The following SLC45A2 variants were observed in gnomAD, a reference collection of about 807,000 sequenced individuals.
SLC45A2 encodes solute carrier family 45 member 2.
SLC45A2 carries 36 observed loss-of-function variants against 45.5 expected under a neutral mutation model. The observed-to-expected ratio is 0.79, with a 90% CI of 0.61 to 1.04. SLC45A2 has a LOEUF of 1.04. Among genes scored for constraint, SLC45A2 ranks in the 50% least tolerant of loss-of-function variants. The probability of loss-of-function intolerance (pLI) is 0.00; values close to 1 mark genes in which losing one functional copy is unlikely to be tolerated. For missense variants in SLC45A2, 719 were observed against 671.0 expected (o/e 1.07, Z -0.79); for synonymous variants, 306 against 269.3 (o/e 1.14, Z -1.33).
In SLC45A2 at chr5:33,984,436, C is replaced by T. The variant is rs1249304563; in HGVS notation, c.148G>A (p.Ala50Thr). Residue 50 changes from alanine to threonine, a missense_variant, in exon 1 of 7, where the codon GCG becomes ACG. Physicochemically the swap from Ala to Thr is moderately conservative, Grantham distance 58. Transcript: ENST00000296589. ...MAMFGREFCY[A>T]VEAAYVTPVL... ...GGGGTCACATACGCTGCCTCCACCG[C>T]GTAGCAGAACTCTCTTCCGAACATG... 7 of 1,613,662 alleles carry T rather than the reference C, an allele frequency of 4.3e-6. No individual in the cohort carries two copies. Among genetic ancestry groups the T allele is most frequent in the African/African-American group, 4.0e-5 (3 of 74,940 alleles).
At chr5:33,947,100 A>G (rs1257784154) in intron 6 of SLC45A2, 63 bp downstream of exon 6, 3 of 1,613,990 alleles carry the variant, frequency 1.9e-6, no homozygotes, top group Non-Finnish European at 2.5e-6. Context: ...TTGCTACCAA[A>G]TCCTCCCCAG....
intron 2 of SLC45A2, among the ~76,000 whole-genome samples, chr5:33,977,761 T>TCCA (rs1370848466): frequency 7.9e-5 from 12 of 152,292 alleles, no homozygotes; most frequent in African/African-American, 2.2e-4. Context: ...GAAAAATTAT[T>TCCA]CAGAGCACAG....
chr5:33,951,519 T>C, intron 5 of SLC45A2, 35 bp downstream of exon 5: 1 of 1,613,782 alleles, frequency 6.2e-7, no homozygotes, highest in African/African-American at 1.3e-5. Flanking sequence ...ACCAGAAACT[T>C]TTAGAAGACA....
chr5:33,982,736 TG>T (rs1753116411), intron 1 of SLC45A2, among the ~76,000 whole-genome samples: 1 of 152,198 alleles, frequency 6.6e-6, no homozygotes, highest in Non-Finnish European at 1.5e-5. Context: ...TGGTAATGGT[TG>T]CACAACATAC....
chr5:33,957,903 T>C (rs2111940359), intron 3 of SLC45A2, among the ~76,000 whole-genome samples: 1 of 152,338 alleles, frequency 6.6e-6, no homozygotes, highest in East Asian at 1.9e-4. Flanking sequence ...ATGTGCATAG[T>C]ATTTCTGTAA....
intron 6 of SLC45A2, 45 bp from the exon 7 acceptor site, chr5:33,944,917 T>C: frequency 6.4e-7 from 1 of 1,570,332 alleles, no homozygotes. Flanking sequence ...CAAGGAACTG[T>C]CATTTAGGGC....
At chr5:33,983,257 A>G (rs964076705) in intron 1 of SLC45A2, among the ~76,000 whole-genome samples, 1 of 152,224 alleles carries the variant, frequency 6.6e-6, no homozygotes, top group Non-Finnish European at 1.5e-5. Flanking sequence ...CCAATCTCCT[A>G]TAAAAGATAC....
Position 33,964,009 on chromosome 5 carries a change from TC to T in SLC45A2, c.569del (p.Gly190GlufsTer11). 6.2e-7 allele frequency: 1 copy of T among 1,613,720 alleles called. No homozygotes were observed. Among genetic ancestry groups the T allele is most frequent in the South Asian group, 1.1e-5 (1 of 91,056 alleles). On this transcript the variant is annotated frameshift_variant, in exon 3 of 7. Transcript: ENST00000296589. LOFTEE classifies it high-confidence loss of function. ...CACCCAAAAGGTAACCCAGGGCACC[TC>T]CAAAACCTGGAAAGCAAGAAAAGCT... Reference protein sequence around the residue: ...LHYHALFTGFGGALGYLLGAI... With the variant: ...LHYHALFTGFXGALGYLLGAI...
chr5:33,977,774 A>T (rs1028256823), intron 2 of SLC45A2, among the ~76,000 whole-genome samples: 1 of 152,194 alleles, frequency 6.6e-6, no homozygotes, highest in African/African-American at 2.4e-5. Flanking sequence ...GAGCACAGAG[A>T]ATGTGGAAGG....
intron 4 of SLC45A2, among the ~76,000 whole-genome samples, chr5:33,953,560 C>T (rs1482873090): frequency 8.0e-5 from 12 of 150,834 alleles, no homozygotes; most frequent in African/African-American, 1.2e-4. Flanking sequence ...CTGAAGGAAG[C>T]GCTAAACATG....
intron 6 of SLC45A2, 37 bp from the exon 7 acceptor site, chr5:33,944,909 A>G: frequency 6.3e-7 from 1 of 1,581,064 alleles, no homozygotes; most frequent in Non-Finnish European, 8.6e-7. Flanking sequence ...TTGACCTACA[A>G]GGAACTGTCA....
Position 33,982,260 on chromosome 5 carries a change from G to A in SLC45A2, c.538C>T (p.Leu180Phe). ...CCTGTGAAGAGGGCATGGTAGTGGA[G>A]GCCCTTCTCCTTGTCCTGATGGGAG... ...VCSHQDKEKG[L>F]HYHALFTGFG... Residue 180 changes from leucine to phenylalanine, a missense_variant, in exon 2 of 7, where the codon CTC becomes TTC. Physicochemically the swap from Leu to Phe is conservative, Grantham distance 22 (BLOSUM62 0). Coordinates refer to ENST00000296589, the MANE Select transcript of SLC45A2 (RefSeq NM_016180.5). The A allele has an allele frequency of 3.7e-6, 6 of 1,614,070 alleles. No homozygotes were observed. Among genetic ancestry groups the A allele is most frequent in the African/African-American group, 1.3e-5 (1 of 75,028 alleles).
chr5:33,969,065 C>CTCTGTGTG lies in SLC45A2; in HGVS notation c.563-5050_563-5049insCACACAGA. 7.6e-4 allele frequency among the ~76,000 whole-genome samples: 78 copies of CTCTGTGTG among 102,466 alleles called. No individual in the cohort carries two copies. The East Asian group carries it at 9.3e-3, about 12-fold the overall frequency. The allele number at this position is 102,466 out of a possible 152,430, so 67.2% of individuals were successfully genotyped here. On this transcript the variant is annotated intron_variant, in intron 2 of 6. Transcript: ENST00000296589. ...AGCTACTCTCTCTCTCTCTCTCTCT[C>CTCTGTGTG]TGTGTGTGTGTGTGTGTGTGTGTGT...
intron 2 of SLC45A2, among the ~76,000 whole-genome samples, chr5:33,972,935 C>T (rs926972312): frequency 2.0e-5 from 3 of 152,188 alleles, no homozygotes; most frequent in Non-Finnish European, 2.9e-5. Context: ...GATAAGAAAG[C>T]ATTTTTGTGA....
At chr5:33,983,864 G>C (rs1404480396) in intron 1 of SLC45A2, among the ~76,000 whole-genome samples, 1 of 152,164 alleles carries the variant, frequency 6.6e-6, no homozygotes, top group Non-Finnish European at 1.5e-5. Context: ...GTATTAAATA[G>C]AGCATAATGG....
intron 6 of SLC45A2, 109 bp from the exon 7 acceptor site, chr5:33,944,981 C>A: frequency 9.8e-7 from 1 of 1,016,802 alleles, no homozygotes; most frequent in Middle Eastern, 3.0e-4. Context: ...CCTTTGGCTT[C>A]GTGGATTATA....
At chr5:33,978,134 G>A (rs1752981269) in intron 2 of SLC45A2, among the ~76,000 whole-genome samples, 3 of 152,166 alleles carry the variant, frequency 2.0e-5, no homozygotes, top group African/African-American at 4.8e-5. Context: ...GAGAAGGGAG[G>A]TGTTGGACAT....
chr5:33,964,964 G>C (rs1752562707), intron 2 of SLC45A2, among the ~76,000 whole-genome samples: 1 of 152,124 alleles, frequency 6.6e-6, no homozygotes, highest in Admixed American at 6.5e-5. Flanking sequence ...GGGGGCAGTG[G>C]ACATATTATG....
intron 3 of SLC45A2, among the ~76,000 whole-genome samples, chr5:33,960,792 A>G (rs1171095311): frequency 6.6e-6 from 1 of 152,186 alleles, no homozygotes; most frequent in African/African-American, 2.4e-5. Flanking sequence ...GCATTAGTAG[A>G]AAAACTGGTG....
Sources: allele counts gnomAD v4.1 joint callset (sites outside exome capture counted in the v4.1 genomes callset), GRCh38; gene constraint gnomAD v4.1.1; transcripts MANE v1.5; gene names NCBI Gene and HGNC (gene_info 2026-07-23, HGNC 2026-07-21).